VSTM4: variants seen among roughly 807,000 people sequenced by gnomAD.
The protein encoded by VSTM4 is V-set and transmembrane domain-containing protein 4.
VSTM4 carries 20 observed loss-of-function variants against 36.4 expected under a neutral mutation model. That is an observed-to-expected ratio of 0.55 (90% CI 0.39 to 0.80). The LOEUF is 0.80. Ranked by LOEUF, VSTM4 falls within the 30% of genes least tolerant of loss-of-function variation. The probability of loss-of-function intolerance (pLI) is 0.00; values close to 1 mark genes in which losing one functional copy is unlikely to be tolerated. For synonymous variants in VSTM4, 182 were observed against 173.9 expected (o/e 1.05, Z -0.37); for missense variants, 392 against 404.5 (o/e 0.97, Z 0.26).
chr10:49,053,882 G>A lies in VSTM4; in HGVS notation c.669-5298C>T, dbSNP rs1234358376. Among the ~76,000 whole-genome samples, 4 of 152,216 alleles carry A rather than the reference G, an allele frequency of 2.6e-5. No individual in the cohort carries two copies. The East Asian group carries it at 7.7e-4, about 29-fold the overall frequency. On this transcript the variant is annotated intron_variant, in intron 5 of 7. Transcript: ENST00000332853. ...GTCATGAGAGAGGCTGCATTCCTGA[G>A]CGATGGGCAGCCACTCCAGAACACC...
intron 5 of VSTM4, among the ~76,000 whole-genome samples, chr10:49,052,882 AAATTT>A (rs1332403398): frequency 6.6e-5 from 10 of 152,182 alleles, no homozygotes; most frequent in African/African-American, 2.4e-4. Context: ...AAACTGCACT[AAATTT>A]AATTTTAATT....
intron 2 of VSTM4, among the ~76,000 whole-genome samples, chr10:49,093,984 C>T (rs879622018): frequency 1.1e-4 from 16 of 151,966 alleles, no homozygotes; most frequent in African/African-American, 2.9e-4. Flanking sequence ...CCTGACCTCG[C>T]GATCCACCCA....
intron 5 of VSTM4, among the ~76,000 whole-genome samples, chr10:49,052,214 A>T (rs138149096): frequency 1.2e-3 from 185 of 152,354 alleles, no homozygotes; most frequent in African/African-American, 4.3e-3. Context: ...ACAAGTTAGT[A>T]CTACACCACA....
At position 49,028,369 on chromosome 10, in the gene VSTM4, A is replaced by G. The variant is rs983967706; in HGVS notation, c.838-8594T>C. 5.9e-4 allele frequency among the ~76,000 whole-genome samples: 90 copies of G among 152,318 alleles called. 1 individual carries two copies. In the Middle Eastern group the frequency reaches 0.014, roughly 23 times the overall value. ...GCCTGTCTAGCCTTCTGTTCTGCCA[A>G]CAATGAGGTACTATAACAGCAGGTA... On this transcript the variant is annotated intron_variant, in intron 7 of 7. Transcript: ENST00000332853.
At chr10:49,067,783 C>T (rs1268435419) in intron 4 of VSTM4, among the ~76,000 whole-genome samples, 7 of 152,214 alleles carry the variant, frequency 4.6e-5, no homozygotes, top group Admixed American at 3.9e-4. Context: ...CTGGGAAGTG[C>T]CAAAGTTGGG....
intron 5 of VSTM4, chr10:49,064,338 G>A: frequency 4.0e-6 from 1 of 252,198 alleles, no homozygotes; most frequent in Non-Finnish European, 7.6e-6. Context: ...AGGGCATACA[G>A]TAAGTCAGCA....
rs559533623 is a variant in VSTM4 at position 49,115,028 on chromosome 10, G to A, written c.55+403C>T. Among the ~76,000 whole-genome samples, 3 of 152,284 alleles carry A rather than the reference G, an allele frequency of 2.0e-5. No individual in the cohort carries two copies. The South Asian group carries it at 6.2e-4, about 32-fold the overall frequency. On this transcript the variant is annotated intron_variant, in intron 1 of 7. Transcript: ENST00000332853. ...TTCGGAGTAACTCTCCGAAGAGAGTGAAAGGGAAGTTGCTGCTCCGAGGAA... is the reference window on the plus strand; with the variant it reads ...TTCGGAGTAACTCTCCGAAGAGAGTAAAAGGGAAGTTGCTGCTCCGAGGAA...
At chr10:49,098,707 C>G (rs952384626) in intron 2 of VSTM4, among the ~76,000 whole-genome samples, 1 of 152,194 alleles carries the variant, frequency 6.6e-6, no homozygotes, top group African/African-American at 2.4e-5. Context: ...CCAACATTGC[C>G]CTCTCCCTCA....
rs984212829 is a variant in VSTM4, at chr10:49,015,979, C to A, written c.*3671G>T. On this transcript the variant is annotated 3_prime_UTR_variant, in exon 8 of 8. Transcript: ENST00000332853. ...GTCCTGGAGCCCTCCATCGGGAGCT[C>A]TCCATTAAGAAGGGCATCTTCAGAA... 7 of 152,294 alleles carry A rather than the reference C, an allele frequency of 4.6e-5. No individual in the cohort carries two copies. The highest frequency in any genetic ancestry group is 1.7e-4 in the African/African-American group (7 of 41,458). 9.4% of individuals were successfully genotyped at this position (152,294 alleles called of 1,614,324 possible). A position where few individuals can be genotyped will look rare whatever the true frequency, so the allele number is the denominator to read the frequency against.
intron 4 of VSTM4, among the ~76,000 whole-genome samples, chr10:49,065,788 G>A (rs1244294229): frequency 6.6e-6 from 1 of 152,154 alleles, no homozygotes; most frequent in Admixed American, 6.5e-5. Context: ...GTTGCTTTAA[G>A]CTGTTACATA....
At chr10:49,022,729 G>A (rs144642709) in intron 7 of VSTM4, among the ~76,000 whole-genome samples, 56 of 152,154 alleles carry the variant, frequency 3.7e-4, no homozygotes, top group Admixed American at 9.2e-4. Flanking sequence ...AATGCCATGT[G>A]TCCTCAAATA....
At chr10:49,097,961 A>C (rs1201548122) in intron 2 of VSTM4, among the ~76,000 whole-genome samples, 1 of 152,212 alleles carries the variant, frequency 6.6e-6, no homozygotes, top group Non-Finnish European at 1.5e-5. Context: ...TCAAGAACCA[A>C]GAGTATTTGG....
intron 2 of VSTM4, among the ~76,000 whole-genome samples, chr10:49,094,876 T>C (rs892418761): frequency 2.0e-5 from 3 of 152,134 alleles, no homozygotes; most frequent in Non-Finnish European, 4.4e-5. Context: ...CTTTCTCCCT[T>C]GCCTCTCCAA....
chr10:49,062,403 T>C (rs998309856), intron 5 of VSTM4, among the ~76,000 whole-genome samples: 76 of 152,270 alleles, frequency 5.0e-4, no homozygotes, highest in African/African-American at 1.8e-3. Context: ...AGAATGTCTT[T>C]ATTTCCCTTT....
intron 3 of VSTM4, among the ~76,000 whole-genome samples, chr10:49,078,096 T>C (rs370808057): frequency 1.3e-5 from 2 of 151,900 alleles, no homozygotes; most frequent in African/African-American, 2.4e-5. Flanking sequence ...AAATGCAAAA[T>C]GCAACTACAG....
intron 2 of VSTM4, among the ~76,000 whole-genome samples, chr10:49,091,394 C>T (rs778573543): frequency 1.1e-4 from 17 of 152,142 alleles, no homozygotes; most frequent in Non-Finnish European, 2.4e-4. Flanking sequence ...AAGAAAGTGG[C>T]CACAGGATCA....
chr10:49,088,156 G>A (rs1048736490), intron 2 of VSTM4, among the ~76,000 whole-genome samples: 3 of 152,004 alleles, frequency 2.0e-5, no homozygotes, highest in African/African-American at 7.3e-5. Flanking sequence ...CTGCTGAGAG[G>A]TTGCCTTGAT....
At chr10:49,076,312 CT>C (rs1306658325) in intron 4 of VSTM4, among the ~76,000 whole-genome samples, 1 of 152,228 alleles carries the variant, frequency 6.6e-6, no homozygotes, top group East Asian at 1.9e-4. Flanking sequence ...TAGCATCTTT[CT>C]TTTGGTAACT....
At chr10:49,058,113 T>A (rs1843813816) in intron 5 of VSTM4, among the ~76,000 whole-genome samples, 1 of 152,226 alleles carries the variant, frequency 6.6e-6, no homozygotes, top group Non-Finnish European at 1.5e-5. Context: ...TCAGCTTCCA[T>A]ATCTATACCC....
Sources: gnomAD v4.1 joint callset for allele counts (sites outside exome capture counted in the v4.1 genomes callset) on GRCh38, gnomAD v4.1.1 for gene constraint, MANE v1.5 for transcripts, NCBI Gene and HGNC (gene_info 2026-07-23, HGNC 2026-07-21) for gene names.